The following SOX30 variants were observed in gnomAD, a reference collection of about 807,000 sequenced individuals.
SOX30 encodes SRY-box transcription factor 30, also known as transcription factor SOX-30.
A neutral mutation model predicts 58.6 loss-of-function variants in SOX30; 17 were observed. That is an observed-to-expected ratio of 0.29 (90% CI 0.20 to 0.44). SOX30 has a LOEUF of 0.44. Among genes scored for constraint, SOX30 ranks in the 20% least tolerant of loss-of-function variants. The pLI, the probability that SOX30 is intolerant of heterozygous loss-of-function variation, is 1.00. For missense variants in SOX30, 951 were observed against 965.8 expected, an observed-to-expected ratio of 0.98 and a Z score of 0.20; for synonymous variants, 421 against 400.2, an observed-to-expected ratio of 1.05 and a Z score of -0.62.
chr5:157,629,376 G>A (rs1758734330), intron 4 of SOX30, among the ~76,000 whole-genome samples: 1 of 152,136 alleles, frequency 6.6e-6, no homozygotes, highest in African/African-American at 2.4e-5. Context: ...CTCAATGTAG[G>A]CAAGACGCTA....
rs1581403211 is a variant in SOX30 at position 157,652,317 on chromosome 5, C to G, written c.-239G>C. The G allele has an allele frequency of 8.2e-7, 1 of 1,220,076 alleles. No individual in the cohort carries two copies. The highest frequency in any genetic ancestry group is 1.0e-6 in the Non-Finnish European group (1 of 981,452). The allele number at this position is 1,220,076 out of a possible 1,614,324, so 75.6% of individuals were successfully genotyped here. On this transcript the variant is annotated 5_prime_UTR_variant, in exon 1 of 5. Transcript: ENST00000265007. ...CTACTCTCGCCTCGTGCTGAGTCCTCGAATCACCTGCCATGGTAGGAGCCG... is the reference window on the plus strand; with the variant it reads ...CTACTCTCGCCTCGTGCTGAGTCCTGGAATCACCTGCCATGGTAGGAGCCG...
rs1295867697 is a variant in SOX30, at chr5:157,652,128, C to A, written c.-50G>T. On this transcript the variant is annotated 5_prime_UTR_variant, in exon 1 of 5. Transcript: ENST00000265007. ...GATTGTGAGCTCAGCCGTTTGTTGG[C>A]GACCTTCCCCCTCCCCCTTTCGGTT... 1 of 1,381,684 alleles carries A rather than the reference C, an allele frequency of 7.2e-7. No individual in the cohort carries two copies. The highest frequency in any genetic ancestry group is 9.3e-7 in the Non-Finnish European group (1 of 1,076,128). The allele number at this position is 1,381,684 out of a possible 1,614,324, so 85.6% of individuals were successfully genotyped here.
chr5:157,639,942 C>T (rs1378829214), intron 3 of SOX30, among the ~76,000 whole-genome samples: 1 of 152,180 alleles, frequency 6.6e-6, no homozygotes, highest in Non-Finnish European at 1.5e-5. Flanking sequence ...ACATAGCCAC[C>T]TGTCTGAAGA....
intron 4 of SOX30, among the ~76,000 whole-genome samples, chr5:157,629,743 CAGACACTATAAAT>C (rs1758744177): frequency 6.6e-6 from 1 of 152,186 alleles, no homozygotes; most frequent in African/African-American, 2.4e-5. Flanking sequence ...CCCTAAGACA[CAGACACTATAAAT>C]ATCTCCACTG....
intron 4 of SOX30, among the ~76,000 whole-genome samples, chr5:157,630,467 T>C (rs1380509905): frequency 2.6e-5 from 4 of 152,224 alleles, no homozygotes; most frequent in Non-Finnish European, 5.9e-5. Context: ...GTTGCTTGTT[T>C]GGGGTTGTAG....
At chr5:157,638,054 C>A (rs1367911544) in intron 4 of SOX30, among the ~76,000 whole-genome samples, 176 bp downstream of exon 4, 1 of 152,014 alleles carries the variant, frequency 6.6e-6, no homozygotes, top group Admixed American at 6.6e-5. Flanking sequence ...TCCCTAGCTA[C>A]CCCAGTCCTC....
chr5:157,631,712 C>A (rs1758812496), intron 4 of SOX30, among the ~76,000 whole-genome samples: 1 of 150,036 alleles, frequency 6.7e-6, no homozygotes, highest in South Asian at 2.1e-4. Context: ...TTGCAGTGAG[C>A]CAAGATCGTG....
chr5:157,656,758 CTTAGA>C (rs1201945647), upstream of SOX30, among the ~76,000 whole-genome samples: 1 of 152,096 alleles, frequency 6.6e-6, no homozygotes, highest in Non-Finnish European at 1.5e-5. Context: ...AATTTTCTTC[CTTAGA>C]TTAAATGGTT....
intron 4 of SOX30, among the ~76,000 whole-genome samples, chr5:157,631,050 TATA>T (rs1210151797): frequency 1.0e-4 from 4 of 38,228 alleles, no homozygotes; most frequent in African/African-American, 3.8e-4. Context: ...ATATATTTTA[TATA>T]TATATATATA....
intron 4 of SOX30, among the ~76,000 whole-genome samples, chr5:157,637,717 T>G (rs1485720725): frequency 6.6e-6 from 1 of 152,136 alleles, no homozygotes; most frequent in Non-Finnish European, 1.5e-5. Context: ...TGTTCTTTTT[T>G]TTTTTGAGAT....
intron 1 of SOX30, among the ~76,000 whole-genome samples, chr5:157,670,386 C>A (rs944385598): frequency 5.3e-5 from 8 of 152,116 alleles, no homozygotes; most frequent in Admixed American, 4.6e-4. Flanking sequence ...AAGAGGATAA[C>A]AGTGGCTACC....
At chr5:157,633,352 T>G (rs1758856147) in intron 4 of SOX30, among the ~76,000 whole-genome samples, 1 of 152,302 alleles carries the variant, frequency 6.6e-6, no homozygotes, top group African/African-American at 2.4e-5. Context: ...AACCCAAGTT[T>G]ATAACCAATG....
intron 4 of SOX30, among the ~76,000 whole-genome samples, chr5:157,635,770 T>G (rs1758913367): frequency 6.6e-6 from 1 of 152,222 alleles, no homozygotes; most frequent in African/African-American, 2.4e-5. Context: ...TATGATTTAA[T>G]CTATGTAATA....
chr5:157,666,350 GGGTCT>G (rs1759670940), intron 2 of SOX30, among the ~76,000 whole-genome samples: 1 of 151,744 alleles, frequency 6.6e-6, no homozygotes, highest in Non-Finnish European at 1.5e-5. Context: ...TGTAGAGATA[GGGTCT>G]GGCTATGTTG....
intron 4 of SOX30, among the ~76,000 whole-genome samples, chr5:157,627,740 A>G (rs1032038169): frequency 6.6e-5 from 10 of 152,242 alleles, no homozygotes; most frequent in African/African-American, 2.4e-4. Context: ...CACGCCTGTA[A>G]TCCCAGCACT....
chr5:157,651,015 C>T, intron 1 of SOX30, 97 bp downstream of exon 1: 2 of 921,886 alleles, frequency 2.2e-6, no homozygotes, highest in Non-Finnish European at 3.3e-6. Flanking sequence ...AGTTCCATTA[C>T]TTTACTTTTG....
At chr5:157,662,469 A>G (rs1213777118) in intron 2 of SOX30, among the ~76,000 whole-genome samples, 4 of 152,198 alleles carry the variant, frequency 2.6e-5, no homozygotes, top group Admixed American at 6.5e-5. Flanking sequence ...TTTTAAAGCT[A>G]TAAATTTCTC....
chr5:157,626,427 G>A lies in SOX30; in HGVS notation c.2175C>T (p.Ala725=). ...DIGTLENVFT[A]PTSTPSSIQQ... Reference sequence around the variant, plus strand: ...GGATGCTAGAAGGAGTTGATGTCGGGGCTGTGAAGACATTCTCCAAGGTTC... The same window carrying A: ...GGATGCTAGAAGGAGTTGATGTCGGAGCTGTGAAGACATTCTCCAAGGTTC... The change falls in exon 5 of 5, where the codon GCC becomes GCT. Residue 725 remains alanine (A), a synonymous_variant. Transcript: ENST00000265007. The A allele has an allele frequency of 1.2e-6, 2 of 1,614,050 alleles. No homozygotes were observed. The highest frequency in any genetic ancestry group is 2.2e-5 in the East Asian group (1 of 44,882).
At chr5:157,666,082 T>G in intron 2 of SOX30, among the ~76,000 whole-genome samples, 1 of 151,996 alleles carries the variant, frequency 6.6e-6, no homozygotes, top group Admixed American at 6.6e-5. Context: ...AGGTATTGGA[T>G]GGGAAGATAT....
Sources: allele counts gnomAD v4.1 joint callset (sites outside exome capture counted in the v4.1 genomes callset), GRCh38; gene constraint gnomAD v4.1.1; transcripts MANE v1.5; gene names NCBI Gene and HGNC (gene_info 2026-07-23, HGNC 2026-07-21).